CLN6: variants seen among roughly 807,000 people sequenced by gnomAD.
CLN6 encodes ceroid-lipofuscinosis neuronal protein 6.
A neutral mutation model predicts 33.3 loss-of-function variants in CLN6; 22 were observed. The ratio of observed to expected loss-of-function variants is 0.66; its 90% CI spans 0.47 to 0.94. CLN6 has a LOEUF of 0.94. Among genes scored for constraint, CLN6 ranks in the 40% least tolerant of loss-of-function variants. The pLI, the probability that CLN6 is intolerant of heterozygous loss-of-function variation, is 0.00. For synonymous variants in CLN6, 201 were observed against 174.6 expected (o/e 1.15, Z -1.19); for missense variants, 387 against 417.1 (o/e 0.93, Z 0.63).
chr15:68,229,294 C>T (rs1312624415), intron 1 of CLN6, among the ~76,000 whole-genome samples: 1 of 152,180 alleles, frequency 6.6e-6, no homozygotes, highest in African/African-American at 2.4e-5. Context: ...CCGAGCCCCG[C>T]TGGGCCCCAG....
rs1262194631 is a variant in CLN6 at position 68,208,485 on chromosome 15, G to A, written c.666-75C>T. 2.6e-6 allele frequency: 4 copies of A among 1,556,796 alleles called. No individual in the cohort carries two copies. In the East Asian group the frequency reaches 9.2e-5, roughly 36 times the overall value. On this transcript the variant is annotated intron_variant, in intron 6 of 6. Transcript: ENST00000249806. This position sits in a 1 kb window ranked among gnomAD's most constrained non-coding sequence, Gnocchi z 5.8. ...GCCTGGCATCCCTTCCTGTGTGCGA[G>A]AGCCAGGCTGCCCTCCAGGCAGGCA...
chr15:68,207,884 A>C lies in CLN6; in HGVS notation c.*256T>G. 1 of 547,760 alleles carries C rather than the reference A, an allele frequency of 1.8e-6. No homozygotes were observed. The highest frequency in any genetic ancestry group is 3.3e-6 in the Non-Finnish European group (1 of 305,060). The allele number at this position is 547,760 out of a possible 1,614,324, so 33.9% of individuals were successfully genotyped here. ...CGGATCCTGGCCCAGAAACACTCTAAAACAGAATCCGATCCTGAGATGATC... is the reference window on the plus strand; with the variant it reads ...CGGATCCTGGCCCAGAAACACTCTACAACAGAATCCGATCCTGAGATGATC... On this transcript the variant is annotated 3_prime_UTR_variant, in exon 7 of 7. Coordinates refer to ENST00000249806, the MANE Select transcript of CLN6 (RefSeq NM_017882.3).
upstream of CLN6, among the ~76,000 whole-genome samples, chr15:68,233,261 CA>C (rs1892182692): frequency 8.0e-6 from 1 of 124,932 alleles, no homozygotes; most frequent in Non-Finnish European, 1.6e-5. This position sits in a 1 kb window ranked among gnomAD's most constrained non-coding sequence, Gnocchi z 4.3. Context: ...TGGGCTAAGA[CA>C]AAGATCTTTC....
At chr15:68,240,849 C>T (rs749142770) in intron 1 of CLN6, among the ~76,000 whole-genome samples, 17 of 151,108 alleles carry the variant, frequency 1.1e-4, no homozygotes, top group African/African-American at 2.4e-4. Flanking sequence ...CTGGGCGTGG[C>T]GGTGGGTGCC....
At chr15:68,231,191 G>A (rs145458251), upstream of CLN6, among the ~76,000 whole-genome samples, 90 of 152,254 alleles carry the variant, frequency 5.9e-4, 2 homozygotes, top group East Asian at 0.013. Flanking sequence ...GGCTAGGACT[G>A]CCTGCCTGGG....
rs963724198 is a variant in CLN6 at position 68,256,432 on chromosome 15, T to A, written c.179+258A>T. On this transcript the variant is annotated intron_variant, in intron 1 of 6. Coordinates refer to the CLN6 transcript ENST00000538696. This position sits in a 1 kb window ranked among gnomAD's most constrained non-coding sequence, Gnocchi z 4.1. The stretch of plus-strand genomic sequence containing the variant: ...CCATTTTTCCCTTTTTTAAATGTGG[T>A]TACTAGAAAATGTAAAATTACATAT... Among the ~76,000 whole-genome samples the A allele has an allele frequency of 4.6e-5, 7 of 152,200 alleles. No individual in the cohort carries two copies. Among genetic ancestry groups the A allele is most frequent in the Non-Finnish European group, 8.8e-5 (6 of 68,032 alleles).
At chr15:68,216,033 TC>T (rs2093219690) in intron 2 of CLN6, among the ~76,000 whole-genome samples, 1 of 152,194 alleles carries the variant, frequency 6.6e-6, no homozygotes, top group Non-Finnish European at 1.5e-5. Flanking sequence ...CATTTGAAAA[TC>T]TCTAGCGTAT....
chr15:68,237,074 G>A (rs562340918), intron 1 of CLN6, among the ~76,000 whole-genome samples: 60 of 145,768 alleles, frequency 4.1e-4, no homozygotes, highest in Non-Finnish European at 7.2e-4. Context: ...GGAGAATGGC[G>A]TGAACCCGGG....
chr15:68,242,991 A>G lies in CLN6; in HGVS notation c.179+13699T>C, dbSNP rs371485650. Reference sequence around the variant, plus strand: ...AAAGTTGCTAAGCGTTAACATTGTAATATGTAGTTGAGACGACTGCAGAAA... The same window carrying G: ...AAAGTTGCTAAGCGTTAACATTGTAGTATGTAGTTGAGACGACTGCAGAAA... On this transcript the variant is annotated intron_variant, in intron 1 of 6. Coordinates refer to the CLN6 transcript ENST00000538696. The surrounding 1 kb of genome is among the most constrained non-coding windows in gnomAD (Gnocchi z 5.0). Among the ~76,000 whole-genome samples, 4 of 152,218 alleles carry G rather than the reference A, an allele frequency of 2.6e-5. No homozygotes were observed. The highest frequency in any genetic ancestry group is 7.2e-5 in the African/African-American group (3 of 41,458).
Position 68,211,030 on chromosome 15 carries a change from G to C in CLN6, c.542+233C>G, listed in dbSNP as rs1447801996. 1.3e-5 allele frequency among the ~76,000 whole-genome samples: 2 copies of C among 152,194 alleles called. No homozygotes were observed. Among genetic ancestry groups the C allele is most frequent in the African/African-American group, 2.4e-5 (1 of 41,454 alleles). The stretch of plus-strand genomic sequence containing the variant: ...GGGCTGGGCGGGGGTGGCGATGCTG[G>C]GGGGATGCTGGCTGGAAGCCGGGGC... On this transcript the variant is annotated intron_variant, in intron 5 of 6. Coordinates refer to ENST00000249806, the MANE Select transcript of CLN6 (RefSeq NM_017882.3). This position sits in a 1 kb window ranked among gnomAD's most constrained non-coding sequence, Gnocchi z 5.9.
rs891056955 is a variant in CLN6 at position 68,210,967 on chromosome 15, G to C, written c.542+296C>G. ...TCAGGCTTGGCGAGGAAGGACCAAAGCCACTCGCTGCCCTCTGCTGGCCAC... is the reference window on the plus strand; with the variant it reads ...TCAGGCTTGGCGAGGAAGGACCAAACCCACTCGCTGCCCTCTGCTGGCCAC... On this transcript the variant is annotated intron_variant, in intron 5 of 6. Coordinates refer to ENST00000249806, the MANE Select transcript of CLN6 (RefSeq NM_017882.3). This position sits in a 1 kb window ranked among gnomAD's most constrained non-coding sequence, Gnocchi z 5.6. 7.2e-5 allele frequency among the ~76,000 whole-genome samples: 11 copies of C among 152,154 alleles called. No homozygotes were observed. Among genetic ancestry groups the C allele is most frequent in the Non-Finnish European group, 1.6e-4 (11 of 68,004 alleles).
upstream of CLN6, among the ~76,000 whole-genome samples, chr15:68,231,265 C>G (rs542182792): frequency 9.2e-5 from 14 of 152,306 alleles, no homozygotes; most frequent in East Asian, 1.9e-4. Flanking sequence ...CAATCCCCCC[C>G]CTCCGCCCCT....
At chr15:68,221,324 C>G (rs960499221) in intron 1 of CLN6, among the ~76,000 whole-genome samples, 12 of 151,568 alleles carry the variant, frequency 7.9e-5, no homozygotes, top group Admixed American at 5.3e-4. Flanking sequence ...CTCCCTGCCT[C>G]GGGCTCCCGT....
chr15:68,208,764 C>T lies in CLN6; in HGVS notation c.666-354G>A, dbSNP rs1292267823. Among the ~76,000 whole-genome samples the T allele has an allele frequency of 3.3e-5, 5 of 152,246 alleles. No individual in the cohort carries two copies. The highest frequency in any genetic ancestry group is 1.9e-4 in the East Asian group (1 of 5,194). On this transcript the variant is annotated intron_variant, in intron 6 of 6. Coordinates refer to ENST00000249806, the MANE Select transcript of CLN6 (RefSeq NM_017882.3). The surrounding 1 kb of genome is among the most constrained non-coding windows in gnomAD (Gnocchi z 5.8). Reference sequence around the variant, plus strand: ...GCCATTACGACGGCAGCCACCCCCGCGGCAGGATGCCGGGGTAAGAACCAG... The same window carrying T: ...GCCATTACGACGGCAGCCACCCCCGTGGCAGGATGCCGGGGTAAGAACCAG...
At chr15:68,251,505 T>C (rs551844444) in intron 1 of CLN6, among the ~76,000 whole-genome samples, 7 of 152,014 alleles carry the variant, frequency 4.6e-5, no homozygotes, top group African/African-American at 1.7e-4. Context: ...CAAAACCCCT[T>C]CTCTACAGAA....
At chr15:68,238,091 C>G (rs1490026083) in intron 1 of CLN6, among the ~76,000 whole-genome samples, 1 of 149,818 alleles carries the variant, frequency 6.7e-6, no homozygotes, top group Non-Finnish European at 1.5e-5. Context: ...CCACTGCACT[C>G]CAGCCTGGAT....
intron 2 of CLN6, 134 bp downstream of exon 2, chr15:68,218,402 A>G: frequency 1.4e-6 from 1 of 719,076 alleles, no homozygotes; most frequent in South Asian, 1.4e-5. Flanking sequence ...AAGGATATGA[A>G]GGCATCCAGG....
chr15:68,254,762 G>T (rs1595833140), intron 1 of CLN6: 2 of 789,808 alleles, frequency 2.5e-6, no homozygotes, highest in East Asian at 2.4e-5. Flanking sequence ...ACCTAAAAAG[G>T]CCCCTGCAAA....
Position 68,220,859 on chromosome 15 carries a change from A to G in CLN6, c.84-2209T>C, listed in dbSNP as rs938908685. On this transcript the variant is annotated intron_variant, in intron 1 of 6. Transcript: ENST00000249806. This position sits in a 1 kb window ranked among gnomAD's most constrained non-coding sequence, Gnocchi z 4.2. Reference sequence around the variant, plus strand: ...TTTTTTTGTTTTGTTTTTTGGAGACAGGGTCACCTAGGCTGGAGTACAGTG... The same window carrying G: ...TTTTTTTGTTTTGTTTTTTGGAGACGGGGTCACCTAGGCTGGAGTACAGTG... Among the ~76,000 whole-genome samples, 33 of 152,070 alleles carry G rather than the reference A, an allele frequency of 2.2e-4. No individual in the cohort carries two copies. The highest frequency in any genetic ancestry group is 7.4e-5 in the Non-Finnish European group (5 of 68,002).
Sources: gnomAD v4.1 joint callset for allele counts (sites outside exome capture counted in the v4.1 genomes callset) on GRCh38, gnomAD v4.1.1 for gene constraint, Gnocchi (gnomAD v3.1) non-coding constraint, MANE v1.5 for transcripts, NCBI Gene and HGNC (gene_info 2026-07-23, HGNC 2026-07-21) for gene names.